The following NKAIN2 variants were observed in gnomAD, a reference collection of about 807,000 sequenced individuals.
The protein encoded by NKAIN2 is sodium/potassium-transporting ATPase subunit beta-1-interacting protein 2.
Under a neutral mutation model 32.6 loss-of-function variants are expected in NKAIN2, and 14 were observed. That is an observed-to-expected ratio of 0.43 (90% CI 0.28 to 0.67). NKAIN2 has a LOEUF of 0.67. Among genes scored for constraint, NKAIN2 ranks in the 30% least tolerant of loss-of-function variants. The probability of loss-of-function intolerance (pLI) is 0.17; values close to 1 mark genes in which losing one functional copy is unlikely to be tolerated. For missense variants in NKAIN2, 198 were observed against 258.3 expected (o/e 0.77, Z 1.60); for synonymous variants, 80 against 87.2 (o/e 0.92, Z 0.46).
intron 3 of NKAIN2, among the ~76,000 whole-genome samples, chr6:124,478,655 A>C (rs1019399678): frequency 3.3e-5 from 5 of 152,326 alleles, no homozygotes; most frequent in Non-Finnish European, 7.4e-5. Flanking sequence ...GTATAAAGTA[A>C]ATATCTCTAA....
chr6:124,087,491 A>T (rs78414118), intron 1 of NKAIN2, among the ~76,000 whole-genome samples: 1 of 152,160 alleles, frequency 6.6e-6, no homozygotes, highest in Non-Finnish European at 1.5e-5. Context: ...AACTTCACAG[A>T]TGACATAATT....
At chr6:124,076,446 G>A (rs998330946) in intron 1 of NKAIN2, among the ~76,000 whole-genome samples, 1 of 152,104 alleles carries the variant, frequency 6.6e-6, no homozygotes, top group African/African-American at 2.4e-5. Flanking sequence ...GATAATTACT[G>A]GATTGAAGGT....
chr6:124,621,491 C>T (rs1282596065), intron 3 of NKAIN2, among the ~76,000 whole-genome samples: 1 of 152,104 alleles, frequency 6.6e-6, no homozygotes, highest in African/African-American at 2.4e-5. Context: ...GAAAATAAGT[C>T]AGCAACTCCA....
chr6:124,270,467 G>T (rs1443314130), intron 1 of NKAIN2, among the ~76,000 whole-genome samples: 3 of 152,078 alleles, frequency 2.0e-5, no homozygotes, highest in Non-Finnish European at 2.9e-5. Context: ...AAATTCTCCA[G>T]AGGGCAGCTT....
At chr6:124,758,540 GCAGCCTGAA>G (rs1778072439) in intron 4 of NKAIN2, among the ~76,000 whole-genome samples, 1 of 152,042 alleles carries the variant, frequency 6.6e-6, no homozygotes, top group Non-Finnish European at 1.5e-5. Context: ...TTTTGCTATA[GCAGCCTGAA>G]CAGACTAAGA....
rs201208996 is a variant in NKAIN2, at chr6:124,015,057, A to G, written c.54+210803A>G. ...GGATGTGTAATTTGAAGGACATATT[A>G]CCAAATTGTCTTCAAGGAACTTTAA... On this transcript the variant is annotated intron_variant, in intron 1 of 6. Transcript: ENST00000368417. 2.0e-5 allele frequency among the ~76,000 whole-genome samples: 3 copies of G among 152,310 alleles called. No homozygotes were observed. The East Asian group carries it at 5.8e-4, about 29-fold the overall frequency.
Position 123,935,151 on chromosome 6 carries a change from T to C in NKAIN2, c.54+130897T>C, listed in dbSNP as rs1197668369. 4.7e-5 allele frequency among the ~76,000 whole-genome samples: 7 copies of C among 147,624 alleles called. 1 individual carries two copies. In the South Asian group the frequency reaches 1.3e-3, roughly 26 times the overall value. On this transcript the variant is annotated intron_variant, in intron 1 of 6. Coordinates refer to ENST00000368417, the MANE Select transcript of NKAIN2 (RefSeq NM_001040214.3). ...AAATATATATTTATTGAAAAATATA[T>C]TAAATACATATATTTAAAAATAAAT...
At chr6:124,707,536 A>C (rs1173667321) in intron 4 of NKAIN2, among the ~76,000 whole-genome samples, 9 of 128,312 alleles carry the variant, frequency 7.0e-5, no homozygotes, top group Admixed American at 1.5e-4. Flanking sequence ...TGCCATTTTA[A>C]CTGGTGTGAG....
At chr6:124,797,147 A>C (rs1780034610) in intron 5 of NKAIN2, among the ~76,000 whole-genome samples, 1 of 149,896 alleles carries the variant, frequency 6.7e-6, no homozygotes, top group Admixed American at 6.7e-5. Flanking sequence ...CAGCCACAGA[A>C]AATATTGCTA....
intron 3 of NKAIN2, among the ~76,000 whole-genome samples, chr6:124,401,271 A>AT (rs1156693240): frequency 6.6e-6 from 1 of 152,056 alleles, no homozygotes; most frequent in Non-Finnish European, 1.5e-5. Flanking sequence ...CGATAATGAC[A>AT]TTTTCCCCCC....
intron 3 of NKAIN2, among the ~76,000 whole-genome samples, chr6:124,615,239 C>T (rs1247210989): frequency 1.3e-5 from 2 of 152,104 alleles, no homozygotes; most frequent in Admixed American, 1.3e-4. Context: ...TTTAGTTACA[C>T]ATGTTACAAG....
intron 3 of NKAIN2, among the ~76,000 whole-genome samples, chr6:124,405,824 T>C (rs1277878900): frequency 1.3e-5 from 2 of 152,174 alleles, no homozygotes; most frequent in East Asian, 1.9e-4. Context: ...TTCGGAAATA[T>C]AAGACAAAGT....
At chr6:124,700,961 T>C (rs1228812052) in intron 4 of NKAIN2, among the ~76,000 whole-genome samples, 3 of 150,346 alleles carry the variant, frequency 2.0e-5, no homozygotes, top group African/African-American at 2.5e-5. Context: ...CACACACATA[T>C]AAATATTGTA....
At chr6:123,965,694 A>T (rs989919597) in intron 1 of NKAIN2, among the ~76,000 whole-genome samples, 1 of 152,154 alleles carries the variant, frequency 6.6e-6, no homozygotes, top group African/African-American at 2.4e-5. Flanking sequence ...CCTTATCCCT[A>T]TCAGAATACT....
At chr6:124,800,631 C>G (rs1780212458) in intron 5 of NKAIN2, among the ~76,000 whole-genome samples, 1 of 152,142 alleles carries the variant, frequency 6.6e-6, no homozygotes, top group South Asian at 2.1e-4. Context: ...GTGCTAAAAT[C>G]TTACTTAAAA....
chr6:124,168,920 C>T (rs750406763), intron 1 of NKAIN2, among the ~76,000 whole-genome samples: 1 of 152,050 alleles, frequency 6.6e-6, no homozygotes, highest in Non-Finnish European at 1.5e-5. Flanking sequence ...TTTTAACAAT[C>T]GGAATATTTG....
At chr6:124,790,296 G>A (rs1562384801) in intron 4 of NKAIN2, among the ~76,000 whole-genome samples, 1 of 152,016 alleles carries the variant, frequency 6.6e-6, no homozygotes, top group African/African-American at 2.4e-5. Context: ...ATCACTATCT[G>A]TCATCTAATG....
At chr6:124,255,496 G>A (rs993469856) in intron 1 of NKAIN2, among the ~76,000 whole-genome samples, 1 of 152,170 alleles carries the variant, frequency 6.6e-6, no homozygotes, top group Admixed American at 6.5e-5. Context: ...GTTTGAATGA[G>A]GCACAGCTGC....
At chr6:124,795,385 T>C (rs1002802687) in intron 5 of NKAIN2, among the ~76,000 whole-genome samples, 1 of 152,164 alleles carries the variant, frequency 6.6e-6, no homozygotes, top group African/African-American at 2.4e-5. Flanking sequence ...GGAGAGGGTT[T>C]GAGCTCAATG....
Sources: allele counts gnomAD v4.1 joint callset (sites outside exome capture counted in the v4.1 genomes callset), GRCh38; gene constraint gnomAD v4.1.1; transcripts MANE v1.5; gene names NCBI Gene and HGNC (gene_info 2026-07-23, HGNC 2026-07-21).